CACNB2: variants seen among roughly 807,000 people sequenced by gnomAD.
CACNB2 encodes calcium voltage-gated channel auxiliary subunit beta 2, also known as voltage-dependent L-type calcium channel subunit beta-2.
CACNB2 carries 42 observed loss-of-function variants against 73.3 expected under a neutral mutation model. The observed-to-expected ratio is 0.57, with a 90% CI of 0.45 to 0.74. The LOEUF is 0.74. CACNB2 is among the 30% of genes least tolerant of loss of function. The pLI is 0.00. For missense variants in CACNB2, 940 were observed against 853.0 expected (o/e 1.10, Z -1.27); for synonymous variants, 348 against 310.3 (o/e 1.12, Z -1.28).
intron 3 of CACNB2, among the ~76,000 whole-genome samples, chr10:18,497,675 T>A (rs1168076024): frequency 6.6e-6 from 1 of 152,196 alleles, no homozygotes; most frequent in Admixed American, 6.5e-5. Context: ...TCCTCTTGCC[T>A]TGGCCTCACA....
At chr10:18,527,525 A>G in intron 9 of CACNB2, 63 bp from the exon 10 acceptor site, 1 of 1,023,632 alleles carries the variant, frequency 9.8e-7, no homozygotes, top group Non-Finnish European at 1.6e-6. Flanking sequence ...TGGGGCATAC[A>G]CTTCTATCCC....
intron 2 of CACNB2, among the ~76,000 whole-genome samples, chr10:18,394,927 T>C (rs1015908816): frequency 3.9e-5 from 6 of 152,166 alleles, no homozygotes; most frequent in Non-Finnish European, 8.8e-5. Flanking sequence ...GTTTATATTC[T>C]CCGGAGACAT....
chr10:18,220,960 A>C (rs990957115), intron 2 of CACNB2, among the ~76,000 whole-genome samples: 1 of 152,156 alleles, frequency 6.6e-6, no homozygotes, highest in Non-Finnish European at 1.5e-5. Context: ...AAATGGATGA[A>C]GTTTGAATGG....
chr10:18,400,316 G>C (rs2043926546), intron 2 of CACNB2, among the ~76,000 whole-genome samples: 1 of 152,190 alleles, frequency 6.6e-6, no homozygotes, highest in African/African-American at 2.4e-5. Context: ...GCAGGTAATG[G>C]AAAGGGATTA....
intron 3 of CACNB2, among the ~76,000 whole-genome samples, chr10:18,485,958 G>A (rs2049040530): frequency 2.0e-5 from 3 of 150,022 alleles, no homozygotes. Flanking sequence ...CAAATTGAGA[G>A]TAGTTAATAT....
chr10:18,230,176 G>A (rs1370365358), intron 2 of CACNB2, among the ~76,000 whole-genome samples: 2 of 152,182 alleles, frequency 1.3e-5, no homozygotes, highest in Non-Finnish European at 2.9e-5. Flanking sequence ...GGGAGACAGA[G>A]AGAGCATCCC....
intron 3 of CACNB2, among the ~76,000 whole-genome samples, chr10:18,403,877 A>G (rs1029310993): frequency 1.3e-5 from 2 of 152,078 alleles, no homozygotes; most frequent in Non-Finnish European, 2.9e-5. Context: ...GTACCCAAAA[A>G]AAAAAAAAAT....
At chr10:18,493,848 G>T (rs35255141) in intron 3 of CACNB2, among the ~76,000 whole-genome samples, 20,642 of 152,116 alleles carry the variant, frequency 0.14, 1,592 homozygotes, top group Admixed American at 0.18. Flanking sequence ...ATTGTCACTG[G>T]CCTCTTTGGT....
chr10:18,438,580 A>G (rs1296942137), intron 3 of CACNB2, among the ~76,000 whole-genome samples: 1 of 152,200 alleles, frequency 6.6e-6, no homozygotes, highest in Admixed American at 6.5e-5. Context: ...TAGTGATTCA[A>G]GCCAGTTATC....
intron 2 of CACNB2, among the ~76,000 whole-genome samples, chr10:18,329,907 G>T (rs764518108): frequency 5.3e-5 from 8 of 152,064 alleles, no homozygotes; most frequent in Admixed American, 2.6e-4. Context: ...GTGCGATCTC[G>T]GCTAACTGCA....
intron 3 of CACNB2, among the ~76,000 whole-genome samples, chr10:18,492,620 C>CAAAA (rs371407084): frequency 6.4e-4 from 58 of 90,384 alleles, no homozygotes; most frequent in South Asian, 9.1e-4. Flanking sequence ...GACTCTGTCT[C>CAAAA]AAAAAAAAAA....
chr10:18,346,649 T>C (rs2041469326), intron 2 of CACNB2, among the ~76,000 whole-genome samples: 1 of 151,970 alleles, frequency 6.6e-6, no homozygotes, highest in Non-Finnish European at 1.5e-5. Flanking sequence ...CAGGCTGGAG[T>C]GCAGCGATAT....
chr10:18,505,177 G>A (rs2050421337), intron 5 of CACNB2, among the ~76,000 whole-genome samples: 2 of 151,310 alleles, frequency 1.3e-5, no homozygotes, highest in Admixed American at 6.6e-5. Context: ...TAATATTTTG[G>A]CTGTTACTAA....
chr10:18,213,840 G>A (rs1210182557), intron 2 of CACNB2, among the ~76,000 whole-genome samples: 3 of 152,202 alleles, frequency 2.0e-5, no homozygotes, highest in African/African-American at 7.2e-5. Flanking sequence ...CCCTGTAGAA[G>A]TTATTCACAT....
chr10:18,224,979 C>A (rs1032086946), intron 2 of CACNB2, among the ~76,000 whole-genome samples: 6 of 152,132 alleles, frequency 3.9e-5, no homozygotes, highest in African/African-American at 9.7e-5. Flanking sequence ...CCAAGGTGTC[C>A]GCGTGTTTCG....
chr10:18,326,321 G>C lies in CACNB2; in HGVS notation c.214-75603G>C, dbSNP rs369839851. 2.2e-4 allele frequency among the ~76,000 whole-genome samples: 33 copies of C among 152,308 alleles called. No homozygotes were observed. In the East Asian group the frequency reaches 6.2e-3, roughly 29 times the overall value. ...AGGCATTCCTCCAGTGTACTTCATG[G>C]CTTGAATTCAAAATCATGTTCCAAG... On this transcript the variant is annotated intron_variant, in intron 2 of 13. Coordinates refer to ENST00000324631, the MANE Select transcript of CACNB2 (RefSeq NM_201596.3).
intron 3 of CACNB2, among the ~76,000 whole-genome samples, chr10:18,426,358 GTC>G (rs1451144760): frequency 2.0e-5 from 3 of 152,118 alleles, no homozygotes; most frequent in Non-Finnish European, 4.4e-5. Flanking sequence ...AGTTACTACA[GTC>G]TCTCTCACCT....
intron 2 of CACNB2, among the ~76,000 whole-genome samples, chr10:18,310,969 A>AT: frequency 6.6e-6 from 1 of 152,046 alleles, no homozygotes; most frequent in East Asian, 1.9e-4. Context: ...TGACCATTGA[A>AT]TTTTTTTATG....
intron 3 of CACNB2, among the ~76,000 whole-genome samples, chr10:18,437,498 A>G (rs1339428422): frequency 6.6e-6 from 1 of 152,236 alleles, no homozygotes; most frequent in African/African-American, 2.4e-5. Flanking sequence ...CCGTCTCCAC[A>G]GAAGAGAGAA....
Sources: allele counts gnomAD v4.1 joint callset (sites outside exome capture counted in the v4.1 genomes callset), GRCh38; gene constraint gnomAD v4.1.1; transcripts MANE v1.5; gene names NCBI Gene and HGNC (gene_info 2026-07-23, HGNC 2026-07-21).